Variants in CCSER1 observed in about 807,000 individuals in gnomAD.
The protein encoded by CCSER1 is serine-rich coiled-coil domain-containing protein 1.
CCSER1 carries 41 observed loss-of-function variants against 82.0 expected under a neutral mutation model. The observed-to-expected ratio is 0.50, with a 90% CI of 0.39 to 0.65. CCSER1 has a LOEUF of 0.65. CCSER1 is among the 30% of genes least tolerant of loss of function. The pLI, the probability that CCSER1 is intolerant of heterozygous loss-of-function variation, is 0.00. For missense variants in CCSER1, 1,119 were observed against 1,064.2 expected (o/e 1.05, Z -0.72); for synonymous variants, 414 against 383.9 (o/e 1.08, Z -0.92).
At chr4:91,259,027 G>T (rs1740905128) in intron 10 of CCSER1, among the ~76,000 whole-genome samples, 3 of 151,906 alleles carry the variant, frequency 2.0e-5, no homozygotes. Context: ...AATTCAGCTT[G>T]CCACAAAAAC....
At chr4:90,267,874 G>GT (rs1725521498) in intron 1 of CCSER1, among the ~76,000 whole-genome samples, 1 of 152,104 alleles carries the variant, frequency 6.6e-6, no homozygotes, top group Admixed American at 6.5e-5. Flanking sequence ...CCCAAGAAGG[G>GT]TAAGTACAAA....
chr4:91,516,128 T>A (rs532012932), intron 10 of CCSER1, among the ~76,000 whole-genome samples: 2 of 152,112 alleles, frequency 1.3e-5, no homozygotes, highest in Admixed American at 6.6e-5. Context: ...AGAAGCATAG[T>A]TTGTAAATAT....
At chr4:91,153,511 C>G (rs761945342) in intron 10 of CCSER1, among the ~76,000 whole-genome samples, 47 of 152,100 alleles carry the variant, frequency 3.1e-4, no homozygotes, top group Non-Finnish European at 5.6e-4. Context: ...GCCTTCTTCT[C>G]TCAACTTGTC....
rs1030782098 is a variant in CCSER1, at chr4:90,661,917, T to A, written c.1932+33685T>A. ...CATTCTGCTTAAGAAAAAAAAAAAA[T>A]TTATTTTAGGTCTGCTGTGTGATAG... On this transcript the variant is annotated intron_variant, in intron 6 of 10. Transcript: ENST00000509176. 3.5e-4 allele frequency among the ~76,000 whole-genome samples: 53 copies of A among 151,606 alleles called. 1 individual carries two copies. The highest frequency in any genetic ancestry group is 1.2e-3 in the South Asian group (6 of 4,814).
chr4:90,454,344 C>T (rs547821129), intron 4 of CCSER1, among the ~76,000 whole-genome samples: 3 of 151,712 alleles, frequency 2.0e-5, no homozygotes, highest in East Asian at 3.9e-4. Context: ...TTGCAGCTTC[C>T]TTCTGATGTC....
chr4:90,976,507 A>T (rs886759278), intron 9 of CCSER1, among the ~76,000 whole-genome samples: 1 of 151,250 alleles, frequency 6.6e-6, no homozygotes, highest in South Asian at 2.1e-4. Flanking sequence ...ATTAAAAAAA[A>T]TAGTCACAGC....
intron 8 of CCSER1, among the ~76,000 whole-genome samples, chr4:90,888,173 A>C (rs1722433282): frequency 6.6e-6 from 1 of 152,174 alleles, no homozygotes; most frequent in African/African-American, 2.4e-5. Context: ...AAAATAACTT[A>C]ATGCTACTGT....
intron 10 of CCSER1, among the ~76,000 whole-genome samples, chr4:91,441,655 C>A (rs1021981171): frequency 6.6e-6 from 1 of 152,092 alleles, no homozygotes; most frequent in African/African-American, 2.4e-5. Context: ...AAAGGGTATT[C>A]AATTAGGAAA....
chr4:90,539,514 C>T (rs1198156540), intron 5 of CCSER1, among the ~76,000 whole-genome samples: 1 of 152,068 alleles, frequency 6.6e-6, no homozygotes, highest in East Asian at 1.9e-4. Flanking sequence ...GTGGCAATTA[C>T]ACGTTTACAT....
chr4:90,831,372 C>G (rs1450154753), intron 8 of CCSER1, among the ~76,000 whole-genome samples: 1 of 152,126 alleles, frequency 6.6e-6, no homozygotes, highest in African/African-American at 2.4e-5. Flanking sequence ...TTGTTATAAT[C>G]TGTCATTTAA....
intron 9 of CCSER1, among the ~76,000 whole-genome samples, chr4:91,021,835 A>C (rs899821883): frequency 1.3e-5 from 2 of 152,170 alleles, no homozygotes; most frequent in African/African-American, 4.8e-5. Context: ...TTTAAAAAAG[A>C]ATTAAGATGA....
intron 1 of CCSER1, among the ~76,000 whole-genome samples, chr4:90,230,719 C>T (rs1435877300): frequency 1.8e-4 from 27 of 149,680 alleles, no homozygotes; most frequent in African/African-American, 5.7e-4. Context: ...ATTGATAGAC[C>T]GCTAGCAAGA....
intron 6 of CCSER1, among the ~76,000 whole-genome samples, chr4:90,710,734 C>T (rs1382555336): frequency 6.6e-6 from 1 of 152,018 alleles, no homozygotes; most frequent in African/African-American, 2.4e-5. Flanking sequence ...TTACTTAAGC[C>T]TTGTAGTATG....
At chr4:91,521,645 C>T (rs191224572) in intron 10 of CCSER1, among the ~76,000 whole-genome samples, 2,162 of 152,192 alleles carry the variant, frequency 0.014, 20 homozygotes, top group Middle Eastern at 0.048. Flanking sequence ...GATGAGCATT[C>T]TTTCATGTGT....
intron 1 of CCSER1, among the ~76,000 whole-genome samples, chr4:90,206,889 G>T (rs534205638): frequency 6.6e-6 from 1 of 151,916 alleles, no homozygotes; most frequent in Non-Finnish European, 1.5e-5. Flanking sequence ...ATATATTTAG[G>T]ATAGTTAGCT....
At chr4:90,203,380 T>C (rs1027550149) in intron 1 of CCSER1, among the ~76,000 whole-genome samples, 1 of 152,174 alleles carries the variant, frequency 6.6e-6, no homozygotes, top group African/African-American at 2.4e-5. Flanking sequence ...CGGTGTGTGA[T>C]GTTCCCCTCC....
chr4:90,196,848 G>A (rs536201301), intron 1 of CCSER1, among the ~76,000 whole-genome samples: 2 of 152,092 alleles, frequency 1.3e-5, no homozygotes, highest in Non-Finnish European at 2.9e-5. Context: ...CTACTCTCCC[G>A]AACAGATGGA....
At chr4:91,421,661 G>T (rs1488049675) in intron 10 of CCSER1, among the ~76,000 whole-genome samples, 2 of 151,990 alleles carry the variant, frequency 1.3e-5, no homozygotes, top group Admixed American at 1.3e-4. Flanking sequence ...TAAAATAAAC[G>T]ATGACAGGTA....
chr4:91,500,678 C>A (rs1695864476), intron 10 of CCSER1, among the ~76,000 whole-genome samples: 2 of 151,960 alleles, frequency 1.3e-5, no homozygotes, highest in African/African-American at 4.8e-5. Flanking sequence ...TTCTTTTGAG[C>A]AACCTTGGGA....
Sources: allele counts gnomAD v4.1 joint callset (sites outside exome capture counted in the v4.1 genomes callset), GRCh38; gene constraint gnomAD v4.1.1; transcripts MANE v1.5; gene names NCBI Gene and HGNC (gene_info 2026-07-23, HGNC 2026-07-21).